The following WWP1 variants were observed in gnomAD, a reference collection of about 807,000 sequenced individuals.
WWP1 encodes the protein NEDD4-like E3 ubiquitin-protein ligase WWP1.
In WWP1, 49 loss-of-function variants were observed where a neutral mutation model predicts 130.6. The observed-to-expected ratio is 0.38, with a 90% CI of 0.30 to 0.48. WWP1 has a LOEUF of 0.48. Ranked by LOEUF, WWP1 falls within the 20% of genes least tolerant of loss-of-function variation. The pLI is 0.99. For missense variants in WWP1, 809 were observed against 1,100.6 expected (o/e 0.74, Z 3.75); for synonymous variants, 332 against 367.8 (o/e 0.90, Z 1.11).
chr8:86,347,644 T>A (rs755787820), intron 1 of WWP1, among the ~76,000 whole-genome samples: 2 of 152,234 alleles, frequency 1.3e-5, no homozygotes, highest in Admixed American at 6.5e-5. Context: ...AGAATAGTTA[T>A]TCTCCTGTCA....
intron 9 of WWP1, among the ~76,000 whole-genome samples, chr8:86,423,388 T>A (rs2130631127): frequency 6.6e-6 from 1 of 152,290 alleles, no homozygotes; most frequent in East Asian, 1.9e-4. Flanking sequence ...ACAGTGTTTG[T>A]GTCCCTGGGT....
At chr8:86,457,425 GT>G in intron 21 of WWP1, among the ~76,000 whole-genome samples, 1 of 150,656 alleles carries the variant, frequency 6.6e-6, no homozygotes, top group African/African-American at 2.4e-5. Context: ...CTGTCTGTCT[GT>G]CTGTCTATCT....
chr8:86,424,791 C>G (rs942577956), intron 9 of WWP1, among the ~76,000 whole-genome samples: 3 of 130,700 alleles, frequency 2.3e-5, no homozygotes, highest in Admixed American at 8.3e-5. Context: ...AGAGGGAGAG[C>G]GTGGAAAGAG....
chr8:86,437,695 G>A (rs1336248165), intron 16 of WWP1, among the ~76,000 whole-genome samples: 1 of 152,144 alleles, frequency 6.6e-6, no homozygotes, highest in African/African-American at 2.4e-5. Flanking sequence ...CCCCAAAACT[G>A]AATTACTAAT....
chr8:86,417,661 C>T (rs1257533275), intron 9 of WWP1, among the ~76,000 whole-genome samples: 1 of 152,122 alleles, frequency 6.6e-6, no homozygotes, highest in African/African-American at 2.4e-5. Flanking sequence ...GGCTTCATAG[C>T]CCATTGTATG....
intron 9 of WWP1, among the ~76,000 whole-genome samples, chr8:86,424,221 A>T (rs1809445171): frequency 6.6e-6 from 1 of 150,502 alleles, no homozygotes; most frequent in Non-Finnish European, 1.5e-5. Flanking sequence ...GGCGGGGCAG[A>T]GGCGCTCCCC....
At chr8:86,412,289 C>T (rs1236190956) in intron 9 of WWP1, among the ~76,000 whole-genome samples, 1 of 152,166 alleles carries the variant, frequency 6.6e-6, no homozygotes, top group Non-Finnish European at 1.5e-5. Context: ...TGGGGAGTCA[C>T]AAACCTTGCT....
intron 5 of WWP1, among the ~76,000 whole-genome samples, chr8:86,383,741 C>CA (rs1317027444): frequency 6.6e-6 from 1 of 152,012 alleles, no homozygotes; most frequent in African/African-American, 2.4e-5. Flanking sequence ...GACTCCCTCT[C>CA]AAAAAATAAC....
chr8:86,346,486 A>G (rs1189007649), intron 1 of WWP1, among the ~76,000 whole-genome samples: 1 of 152,220 alleles, frequency 6.6e-6, no homozygotes, highest in Admixed American at 6.5e-5. Context: ...TCTTTCAGGA[A>G]GCCTTTATCA....
intron 8 of WWP1, chr8:86,405,235 G>A (rs1173236369): frequency 3.9e-5 from 6 of 152,070 alleles, no homozygotes; most frequent in Non-Finnish European, 8.8e-5. Context: ...AGATGGGATA[G>A]GGGTGTGCAT....
At chr8:86,460,465 A>G (rs917528366) in intron 22 of WWP1, among the ~76,000 whole-genome samples, 10 of 152,178 alleles carry the variant, frequency 6.6e-5, no homozygotes, top group Admixed American at 3.9e-4. Context: ...GATGCTAATG[A>G]TTCTACCTAT....
intron 1 of WWP1, among the ~76,000 whole-genome samples, chr8:86,353,787 G>A (rs1159436995): frequency 6.6e-6 from 1 of 152,184 alleles, no homozygotes; most frequent in Non-Finnish European, 1.5e-5. Context: ...CTGGCCATGA[G>A]AAGCCTATTG....
At position 86,433,905 on chromosome 8, in the gene WWP1, C is replaced by T. The variant is rs554724498; in HGVS notation, c.1602-1547C>T. Among the ~76,000 whole-genome samples, 27 of 151,708 alleles carry T rather than the reference C, an allele frequency of 1.8e-4. No individual in the cohort carries two copies. In the South Asian group the frequency reaches 3.8e-3, roughly 21 times the overall value. On this transcript the variant is annotated intron_variant, in intron 14 of 24. Transcript: ENST00000517970. ...TGCACTCCAGCCTAGGCAACAAGAG[C>T]GAAACTCCATCTTAGGAAAAAAAAA...
intron 21 of WWP1, among the ~76,000 whole-genome samples, chr8:86,457,413 G>A (rs762444803): frequency 3.1e-5 from 2 of 63,572 alleles, no homozygotes; most frequent in East Asian, 4.4e-4. Flanking sequence ...AGATCTATCT[G>A]TCTGTCTGTC....
At chr8:86,365,279 G>A (rs1029962802) in intron 1 of WWP1, among the ~76,000 whole-genome samples, 4 of 152,076 alleles carry the variant, frequency 2.6e-5, no homozygotes, top group Non-Finnish European at 5.9e-5. Context: ...CTTCCTAAAG[G>A]GCCATATATT....
rs149043430 is a variant in WWP1 at position 86,432,643 on chromosome 8, T to C, written c.1601+900T>C. On this transcript the variant is annotated intron_variant, in intron 14 of 24. Coordinates refer to ENST00000517970, the MANE Select transcript of WWP1 (RefSeq NM_007013.4). ...TTTTTTTGAGACGGACTTTCGCTCC[T>C]GTTGCCCAGGCTGGAGTGCAATGAT... Among the ~76,000 whole-genome samples the C allele has an allele frequency of 9.8e-3, 1,481 of 151,858 alleles. 27 individuals are homozygous for C. Among genetic ancestry groups the C allele is most frequent in the African/African-American group, 0.034 (1,412 of 41,404 alleles).
At chr8:86,351,812 T>A (rs1822944164) in intron 1 of WWP1, among the ~76,000 whole-genome samples, 1 of 152,194 alleles carries the variant, frequency 6.6e-6, no homozygotes, top group Non-Finnish European at 1.5e-5. Context: ...AATCCTTATA[T>A]AACAGTCGTC....
At chr8:86,407,942 C>T (rs958244016) in intron 8 of WWP1, among the ~76,000 whole-genome samples, 1 of 152,004 alleles carries the variant, frequency 6.6e-6, no homozygotes, top group African/African-American at 2.4e-5. Flanking sequence ...AACTAATGTT[C>T]CTTCTTTGTA....
intron 3 of WWP1, among the ~76,000 whole-genome samples, chr8:86,376,254 A>G (rs1195534533): frequency 6.6e-6 from 1 of 152,214 alleles, no homozygotes; most frequent in East Asian, 1.9e-4. Flanking sequence ...TGACCTATGT[A>G]TAAGAGTTCT....
Sources: gnomAD v4.1 joint callset for allele counts (sites outside exome capture counted in the v4.1 genomes callset) on GRCh38, gnomAD v4.1.1 for gene constraint, MANE v1.5 for transcripts, NCBI Gene and HGNC (gene_info 2026-07-23, HGNC 2026-07-21) for gene names.